The following ACVR1 variants were observed in gnomAD, a reference collection of about 807,000 sequenced individuals.
The protein encoded by ACVR1 is activin A receptor type 1.
In ACVR1, 38 loss-of-function variants were observed where a neutral mutation model predicts 57.1. The observed-to-expected ratio is 0.67, with a 90% CI of 0.51 to 0.87. ACVR1 has a LOEUF of 0.87. Ranked by LOEUF, ACVR1 falls within the 40% of genes least tolerant of loss-of-function variation. ACVR1 has a pLI of 0.00. For synonymous variants in ACVR1, 212 were observed against 228.1 expected, an observed-to-expected ratio of 0.93 and a Z score of 0.63; for missense variants, 463 against 638.2, an observed-to-expected ratio of 0.73 and a Z score of 2.96.
At chr2:157,845,421 A>G (rs532986613) in intron 1 of ACVR1, among the ~76,000 whole-genome samples, 20 of 152,320 alleles carry the variant, frequency 1.3e-4, no homozygotes, top group African/African-American at 4.8e-4. Flanking sequence ...AGATGAAGGT[A>G]CACATTGGAG....
chr2:157,782,407 G>T (rs1190366828), intron 3 of ACVR1, among the ~76,000 whole-genome samples: 3 of 152,174 alleles, frequency 2.0e-5, no homozygotes, highest in African/African-American at 7.2e-5. Flanking sequence ...AGAATCAAGA[G>T]CCCTCAAACA....
At chr2:157,772,903 C>T (rs1202731684) in intron 6 of ACVR1, among the ~76,000 whole-genome samples, 2 of 152,204 alleles carry the variant, frequency 1.3e-5, no homozygotes, top group South Asian at 2.1e-4. Flanking sequence ...TACTCCTGTG[C>T]CTTGGGGCAG....
At chr2:157,858,292 G>A (rs1371660803) in intron 1 of ACVR1, among the ~76,000 whole-genome samples, 1 of 152,028 alleles carries the variant, frequency 6.6e-6, no homozygotes, top group East Asian at 1.9e-4. Flanking sequence ...CTTCTCTCAA[G>A]GTCCTTCTCC....
intron 8 of ACVR1, 106 bp from the exon 9 acceptor site, chr2:157,761,183 A>G: frequency 2.8e-6 from 3 of 1,061,774 alleles, no homozygotes; most frequent in Non-Finnish European, 4.2e-6. Context: ...TTGTGGATCC[A>G]GGGTCACTGT....
At chr2:157,859,072 G>A (rs1689636241) in intron 1 of ACVR1, among the ~76,000 whole-genome samples, 1 of 152,164 alleles carries the variant, frequency 6.6e-6, no homozygotes, top group South Asian at 2.1e-4. Flanking sequence ...TCTTGAATAG[G>A]GGCTGAGTAA....
chr2:157,851,886 CACACACACACACACACACACA>C (rs1559093959), intron 1 of ACVR1, among the ~76,000 whole-genome samples: 7 of 6,864 alleles, frequency 1.0e-3, no homozygotes, highest in Non-Finnish European at 4.3e-3. Context: ...CACACACACA[CACACACACACACACACACACA>C]CACCACCCCC....
chr2:157,745,807 A>T (rs1684945814), intron 9 of ACVR1, among the ~76,000 whole-genome samples: 1 of 152,264 alleles, frequency 6.6e-6, no homozygotes. Context: ...TGACAAAAAT[A>T]GGAGTTGTCA....
chr2:157,767,397 T>C (rs999346362), intron 7 of ACVR1, among the ~76,000 whole-genome samples: 5 of 152,238 alleles, frequency 3.3e-5, no homozygotes, highest in Non-Finnish European at 7.4e-5. Context: ...GTCTGGAAGT[T>C]AGGGGCACTT....
chr2:157,803,688 T>C (rs1039403214), intron 2 of ACVR1, among the ~76,000 whole-genome samples: 2 of 152,142 alleles, frequency 1.3e-5, no homozygotes, highest in African/African-American at 4.8e-5. Context: ...AAAGAGAAAC[T>C]AGTAGTGGAA....
rs575160810 is a variant in ACVR1 at position 157,767,740 on chromosome 2, T to C, written c.791-1544A>G. On this transcript the variant is annotated intron_variant, in intron 7 of 10. Coordinates refer to ENST00000434821, the MANE Select transcript of ACVR1 (RefSeq NM_001111067.4). ...ATGCTCATTTTACAGATAATAAAGT[T>C]GGTGCTGGGAGATGCCAAGGATCAC... 2.0e-5 allele frequency among the ~76,000 whole-genome samples: 3 copies of C among 152,292 alleles called. No individual in the cohort carries two copies. The East Asian group carries it at 5.8e-4, about 29-fold the overall frequency.
intron 1 of ACVR1, among the ~76,000 whole-genome samples, chr2:157,867,438 GAAC>G (rs748266005): frequency 1.3e-5 from 2 of 152,118 alleles, no homozygotes; most frequent in Non-Finnish European, 2.9e-5. Context: ...GTCAGTGCAA[GAAC>G]AATAAACAGC....
intron 1 of ACVR1, among the ~76,000 whole-genome samples, chr2:157,851,619 G>C (rs111987263): frequency 5.3e-5 from 8 of 152,200 alleles, no homozygotes; most frequent in African/African-American, 1.7e-4. Flanking sequence ...AGGATAAATA[G>C]AAGCTACATT....
chr2:157,865,804 A>AAAAAAG (rs1553452926), intron 1 of ACVR1, among the ~76,000 whole-genome samples: 75 of 144,612 alleles, frequency 5.2e-4, no homozygotes, highest in African/African-American at 1.8e-3. Flanking sequence ...TCAAAAAAAA[A>AAAAAAG]AAAAAGAAAA....
intron 1 of ACVR1, among the ~76,000 whole-genome samples, chr2:157,835,882 A>C (rs1266551467): frequency 1.3e-5 from 2 of 152,234 alleles, no homozygotes; most frequent in Admixed American, 1.3e-4. Context: ...TCACTGCCAA[A>C]CAACCAGCCA....
intron 1 of ACVR1, among the ~76,000 whole-genome samples, chr2:157,873,703 A>G (rs539180908): frequency 6.6e-6 from 1 of 152,306 alleles, no homozygotes; most frequent in South Asian, 2.1e-4. Context: ...GAAGCCTATC[A>G]TGACAATCAT....
chr2:157,874,332 T>A (rs747719950), intron 1 of ACVR1, among the ~76,000 whole-genome samples: 1 of 152,198 alleles, frequency 6.6e-6, no homozygotes, highest in African/African-American at 2.4e-5. Flanking sequence ...CGAGGTCCCA[T>A]CCAGGCATAA....
intron 1 of ACVR1, among the ~76,000 whole-genome samples, chr2:157,850,637 T>TA (rs1397348942): frequency 6.6e-6 from 1 of 152,032 alleles, no homozygotes; most frequent in Non-Finnish European, 1.5e-5. Context: ...TCAAGATAAA[T>TA]AAAAAGTCAA....
At chr2:157,783,164 A>T (rs1209805095) in intron 3 of ACVR1, among the ~76,000 whole-genome samples, 1 of 152,232 alleles carries the variant, frequency 6.6e-6, no homozygotes, top group Non-Finnish European at 1.5e-5. Flanking sequence ...CTTGTAATTT[A>T]AAAATGCCAA....
At chr2:157,774,244 G>T in intron 5 of ACVR1, 57 bp from the exon 6 acceptor site, 1 of 1,397,272 alleles carries the variant, frequency 7.2e-7, no homozygotes, top group Non-Finnish European at 1.0e-6. Flanking sequence ...TCCCACTTTG[G>T]AGTATTAGCA....
Sources: gnomAD v4.1 joint callset for allele counts (sites outside exome capture counted in the v4.1 genomes callset) on GRCh38, gnomAD v4.1.1 for gene constraint, MANE v1.5 for transcripts, NCBI Gene and HGNC (gene_info 2026-07-23, HGNC 2026-07-21) for gene names.